The following AMOTL1 variants were observed in gnomAD, a reference collection of about 807,000 sequenced individuals.
AMOTL1 encodes the protein angiomotin-like protein 1.
AMOTL1 carries 45 observed loss-of-function variants against 102.9 expected under a neutral mutation model. The observed-to-expected ratio is 0.44, with a 90% CI of 0.34 to 0.56. AMOTL1 has a LOEUF of 0.56. AMOTL1 is among the 20% of genes least tolerant of loss of function. The probability of loss-of-function intolerance (pLI) is 0.01; values close to 1 mark genes in which losing one functional copy is unlikely to be tolerated. For synonymous variants in AMOTL1, 481 were observed against 484.7 expected (o/e 0.99, Z 0.10); for missense variants, 1,114 against 1,225.6 (o/e 0.91, Z 1.36).
At chr11:94,737,026 C>T (rs933341992) in intron 2 of AMOTL1, among the ~76,000 whole-genome samples, 1 of 152,190 alleles carries the variant, frequency 6.6e-6, no homozygotes, top group Non-Finnish European at 1.5e-5. Context: ...TTTTCAACAG[C>T]AAATACTGAA....
At chr11:94,863,404 C>CAGGT (rs1952814387) in intron 9 of AMOTL1, among the ~76,000 whole-genome samples, 1 of 151,890 alleles carries the variant, frequency 6.6e-6, no homozygotes, top group South Asian at 2.1e-4. Flanking sequence ...ACCAGCCTGA[C>CAGGT]CAACGTGGTG....
At chr11:94,783,405 C>T (rs1385464431) in intron 1 of AMOTL1, among the ~76,000 whole-genome samples, 2 of 152,190 alleles carry the variant, frequency 1.3e-5, no homozygotes, top group Non-Finnish European at 2.9e-5. Flanking sequence ...CTGTTAGTCT[C>T]CCTCTCAGCA....
rs576054136 is a variant in AMOTL1, at chr11:94,744,762, A to G, written c.136+3774A>G. 2.0e-5 allele frequency among the ~76,000 whole-genome samples: 3 copies of G among 152,326 alleles called. No individual in the cohort carries two copies. The South Asian group carries it at 6.2e-4, about 32-fold the overall frequency. On this transcript the variant is annotated intron_variant, in intron 3 of 4. Coordinates refer to the AMOTL1 transcript ENST00000299004. ...AACATTGGTTTAATAACAACTTTTC[A>G]GAGAGCAAAAGATGAAATTTTTCAC... is the stretch of plus-strand genomic sequence containing the variant.
At chr11:94,715,922 GC>G (rs35803627) in intron 1 of AMOTL1, among the ~76,000 whole-genome samples, 35,314 of 151,972 alleles carry the variant, frequency 0.23, 5,100 homozygotes, top group Middle Eastern at 0.33. Context: ...AAAGTTTTCA[GC>G]CAGTATGTTT....
At chr11:94,715,500 T>G (rs1950083245) in intron 1 of AMOTL1, among the ~76,000 whole-genome samples, 1 of 152,106 alleles carries the variant, frequency 6.6e-6, no homozygotes, top group African/African-American at 2.4e-5. Context: ...ACCTTCTTTC[T>G]GTTTGAGAGC....
intron 1 of AMOTL1, among the ~76,000 whole-genome samples, chr11:94,786,523 T>C (rs1951191979): frequency 6.6e-6 from 1 of 152,220 alleles, no homozygotes; most frequent in Non-Finnish European, 1.5e-5. Context: ...TTCTCTGAAG[T>C]GTGAGTTTGT....
chr11:94,732,866 A>G (rs965233271), intron 2 of AMOTL1, among the ~76,000 whole-genome samples: 2 of 152,158 alleles, frequency 1.3e-5, no homozygotes, highest in Non-Finnish European at 2.9e-5. Context: ...ATAGAAATTC[A>G]GTGGTACTGT....
intron 1 of AMOTL1, among the ~76,000 whole-genome samples, chr11:94,794,158 T>G (rs985627871): frequency 6.6e-6 from 1 of 152,244 alleles, no homozygotes; most frequent in African/African-American, 2.4e-5. Flanking sequence ...AGGATGTTAA[T>G]TTTTAAAAAA....
At chr11:94,725,447 A>C (rs1950241809) in intron 1 of AMOTL1, among the ~76,000 whole-genome samples, 1 of 152,204 alleles carries the variant, frequency 6.6e-6, no homozygotes, top group Non-Finnish European at 1.5e-5. Context: ...TCACATATTC[A>C]TTCATTCAGC....
At chr11:94,857,916 C>T (rs982043824) in intron 8 of AMOTL1, among the ~76,000 whole-genome samples, 1 of 152,090 alleles carries the variant, frequency 6.6e-6, no homozygotes, top group Admixed American at 6.5e-5. Context: ...CTGTTTTTCT[C>T]GGTAGCACAC....
chr11:94,749,326 C>G (rs1950623758), intron 3 of AMOTL1, among the ~76,000 whole-genome samples: 1 of 152,020 alleles, frequency 6.6e-6, no homozygotes, highest in Non-Finnish European at 1.5e-5. Flanking sequence ...GAAGAGACAG[C>G]AAGGATTTGC....
intron 3 of AMOTL1, among the ~76,000 whole-genome samples, chr11:94,753,858 G>C (rs1210762473): frequency 6.6e-6 from 1 of 152,176 alleles, no homozygotes; most frequent in Non-Finnish European, 1.5e-5. Context: ...CACACTGCAA[G>C]CTAGGCTCAG....
intron 1 of AMOTL1, among the ~76,000 whole-genome samples, chr11:94,791,989 G>A (rs533410281): frequency 1.3e-5 from 2 of 152,156 alleles, no homozygotes; most frequent in African/African-American, 2.4e-5. Flanking sequence ...CCCGGAATCT[G>A]GGGTAGACTC....
At chr11:94,847,385 C>T (rs1952438635) in intron 6 of AMOTL1, among the ~76,000 whole-genome samples, 1 of 152,170 alleles carries the variant, frequency 6.6e-6, no homozygotes, top group African/African-American at 2.4e-5. Context: ...ATTTCTTGTT[C>T]AGTGGACACT....
intron 3 of AMOTL1, among the ~76,000 whole-genome samples, chr11:94,759,781 C>T (rs2135499963): frequency 6.6e-6 from 1 of 152,314 alleles, no homozygotes; most frequent in Middle Eastern, 3.4e-3. Context: ...GGAGACACTC[C>T]ATATGTGCCA....
rs115464362 is a variant in AMOTL1, at chr11:94,833,183, G to A, written c.1648+1642G>A. ...TTTTTCAACTGCTTAAAGGATCTCA[G>A]TGTCGATATGTAATGTAATTGAATC... On this transcript the variant is annotated intron_variant, in intron 6 of 12. Transcript: ENST00000433060. Among the ~76,000 whole-genome samples, 1,055 of 152,344 alleles carry A rather than the reference G, an allele frequency of 6.9e-3. 15 individuals are homozygous for A. The highest frequency in any genetic ancestry group is 0.024 in the African/African-American group (1,002 of 41,582).
Position 94,876,326 on chromosome 11 carries a change from G to C in AMOTL1, c.*5531G>C, listed in dbSNP as rs1265033714. On this transcript the variant is annotated 3_prime_UTR_variant, in exon 13 of 13. Coordinates refer to ENST00000433060, the MANE Select transcript of AMOTL1 (RefSeq NM_130847.3). The stretch of plus-strand genomic sequence containing the variant: ...AATTCTGTGAAACAGTGGTAAGCAT[G>C]GGCACCCGATTTCAGCTGTCCTGCT... The C allele has an allele frequency of 2.6e-5, 4 of 152,598 alleles. No individual in the cohort carries two copies. The highest frequency in any genetic ancestry group is 9.7e-5 in the African/African-American group (4 of 41,426). The allele number at this position is 152,598 out of a possible 1,614,324, so 9.5% of individuals were successfully genotyped here.
chr11:94,768,361 G>A lies in AMOTL1; in HGVS notation c.-151G>A. 7.2e-7 allele frequency: 1 copy of A among 1,386,754 alleles called. No homozygotes were observed. The highest frequency in any genetic ancestry group is 9.3e-7 in the Non-Finnish European group (1 of 1,072,088). The allele number at this position is 1,386,754 out of a possible 1,614,324, so 85.9% of individuals were successfully genotyped here. On this transcript the variant is annotated 5_prime_UTR_variant, in exon 1 of 13. Transcript: ENST00000433060. ...GGAGCGCGGACGGCGGCGGGAGCGC[G>A]CGAGAAGCTCTAGGACCCAGCAGCG...
intron 3 of AMOTL1, among the ~76,000 whole-genome samples, chr11:94,815,315 A>G (rs371762474): frequency 1.6e-4 from 25 of 152,262 alleles, no homozygotes; most frequent in African/African-American, 5.8e-4. Flanking sequence ...TCAGTTAATG[A>G]AAACAGCTAA....
Sources: allele counts gnomAD v4.1 joint callset (sites outside exome capture counted in the v4.1 genomes callset), GRCh38; gene constraint gnomAD v4.1.1; transcripts MANE v1.5; gene names NCBI Gene and HGNC (gene_info 2026-07-23, HGNC 2026-07-21).